SCN7A: variants seen among roughly 807,000 people sequenced by gnomAD.
SCN7A encodes the protein sodium voltage-gated channel alpha subunit 7.
SCN7A carries 138 observed loss-of-function variants against 155.2 expected under a neutral mutation model. The ratio of observed to expected loss-of-function variants is 0.89; its 90% confidence interval spans 0.77 to 1.02. The LOEUF (loss-of-function observed/expected upper bound fraction) is 1.02, where lower values mean the gene tolerates loss of function less well. Ranked by LOEUF, SCN7A falls within the 50% of genes least tolerant of loss-of-function variation. The probability of loss-of-function intolerance (pLI) is 0.00; values close to 1 mark genes in which losing one functional copy is unlikely to be tolerated. For missense variants in SCN7A, 2,058 were observed against 1,986.6 expected (o/e 1.04, Z -0.68); for synonymous variants, 693 against 649.0 (o/e 1.07, Z -1.03).
At chr2:166,415,785 T>TA (rs1344836229) in intron 21 of SCN7A, among the ~76,000 whole-genome samples, 1 of 152,130 alleles carries the variant, frequency 6.6e-6, no homozygotes, top group Non-Finnish European at 1.5e-5. Flanking sequence ...AAATTGATTG[T>TA]AAAACATGTG....
chr2:166,449,060 C>A (rs1575036437), intron 11 of SCN7A, among the ~76,000 whole-genome samples: 1 of 152,138 alleles, frequency 6.6e-6, no homozygotes, highest in East Asian at 1.9e-4. Context: ...TTTAAGAGAT[C>A]TTCTGCTTTA....
In SCN7A at chr2:166,414,104, T is replaced by A. The variant is rs1163982710; in HGVS notation, c.3415-983A>T. Among the ~76,000 whole-genome samples the A allele has an allele frequency of 3.0e-4, 25 of 82,956 alleles. 2 individuals carry two copies. The East Asian group carries it at 6.5e-3, about 22-fold the overall frequency. 54.4% of individuals were successfully genotyped at this position (82,956 alleles called of 152,430 possible). ...ATATATGTAAATATATATAATATAT[T>A]ATATATAAATATATATAATATATTA... On this transcript the variant is annotated intron_variant, in intron 21 of 25. Coordinates refer to ENST00000643258, the MANE Select transcript of SCN7A (RefSeq NM_002976.4).
chr2:166,412,656 C>T lies in SCN7A; in HGVS notation c.3480G>A (p.Gln1160=). ...TGTAGATGTTGACTTCAAAATGAGGCTGTATATTAACCTAGAAGTTTAAAA... is the reference window on the plus strand; with the variant it reads ...TGTAGATGTTGACTTCAAAATGAGGTTGTATATTAACCTAGAAGTTTAAAA... ...SAIDSVAVNI[Q]PHFEVNIYMY... is the part of the protein sequence containing the mutation. Residue 1160 remains glutamine, a synonymous_variant, in exon 23 of 26, where the codon CAG becomes CAA. Transcript: ENST00000643258. The T allele has an allele frequency of 6.6e-7, 1 of 1,504,690 alleles. No individual in the cohort carries two copies. The highest frequency in any genetic ancestry group is 8.8e-7 in the Non-Finnish European group (1 of 1,132,016). The allele number at this position is 1,504,690 out of a possible 1,614,324, so 93.2% of individuals were successfully genotyped here. A position where few individuals can be genotyped will look rare whatever the true frequency, so the allele number is the denominator to read the frequency against.
At chr2:166,412,836 A>C (rs1701231111) in intron 22 of SCN7A, among the ~76,000 whole-genome samples, 169 bp from the exon 23 acceptor site, 1 of 152,078 alleles carries the variant, frequency 6.6e-6, no homozygotes, top group African/African-American at 2.4e-5. Context: ...TATGAATGTT[A>C]AAGTTCATTT....
rs200027884 is a variant in SCN7A, at chr2:166,456,831, G to T, written c.1290+39C>A. On this transcript the variant is annotated intron_variant, in intron 11 of 25. Coordinates refer to ENST00000643258, the MANE Select transcript of SCN7A (RefSeq NM_002976.4). ...ATATATATATATATATATATATATA[G>T]ATAGATAGATAGATAGATAGATAGA... The T allele has an allele frequency of 6.1e-3, 4,583 of 753,862 alleles. 59 individuals are homozygous for T. Among genetic ancestry groups the T allele is most frequent in the African/African-American group, 0.011 (588 of 51,314 alleles). 46.7% of individuals were successfully genotyped at this position (753,862 alleles called of 1,614,324 possible). A position where few individuals can be genotyped will look rare whatever the true frequency, so the allele number is the denominator to read the frequency against.
At chr2:166,459,737 C>A (rs1252690185) in intron 10 of SCN7A, among the ~76,000 whole-genome samples, 2 of 152,100 alleles carry the variant, frequency 1.3e-5, no homozygotes, top group Admixed American at 6.5e-5. Flanking sequence ...CAATGCCCAT[C>A]AACGTTAAAC....
chr2:166,465,551 T>C lies in SCN7A; in HGVS notation c.872-20A>G, dbSNP rs1408447750. ...CTGTTTCTGAAAAACAGGCAAGAAA[T>C]GATATTCTATATGTAATTATGAGTT... On this transcript the variant is annotated intron_variant, in intron 8 of 25. Coordinates refer to ENST00000643258, the MANE Select transcript of SCN7A (RefSeq NM_002976.4). 2 of 1,540,674 alleles carry C rather than the reference T, an allele frequency of 1.3e-6. No individual in the cohort carries two copies. The highest frequency in any genetic ancestry group is 2.3e-5 in the South Asian group (2 of 85,740).
At chr2:166,417,885 G>A (rs934687191) in intron 20 of SCN7A, among the ~76,000 whole-genome samples, 25 of 151,564 alleles carry the variant, frequency 1.6e-4, no homozygotes, top group Non-Finnish European at 2.8e-4. Flanking sequence ...TCACTCCAGA[G>A]TATGAAGCTT....
At chr2:166,438,626 T>G (rs562972183) in intron 15 of SCN7A, among the ~76,000 whole-genome samples, 1 of 152,158 alleles carries the variant, frequency 6.6e-6, no homozygotes, top group Non-Finnish European at 1.5e-5. Flanking sequence ...CAAAATTAAT[T>G]TTTTAAAATG....
At chr2:166,410,146 T>G (rs534885231) in intron 24 of SCN7A, 74 bp downstream of exon 24, 2 of 1,220,396 alleles carry the variant, frequency 1.6e-6, no homozygotes, top group Non-Finnish European at 2.3e-6. Context: ...ACAAAAACAT[T>G]TGTTAAGGCT....
At chr2:166,422,136 G>A (rs981217479) in intron 19 of SCN7A, among the ~76,000 whole-genome samples, 1 of 152,080 alleles carries the variant, frequency 6.6e-6, no homozygotes, top group Non-Finnish European at 1.5e-5. Flanking sequence ...GTGAACTTAG[G>A]AAAGAGAGGT....
intron 11 of SCN7A, among the ~76,000 whole-genome samples, chr2:166,456,154 C>T (rs911906884): frequency 6.6e-6 from 1 of 151,942 alleles, no homozygotes; most frequent in Admixed American, 6.6e-5. Context: ...GGAAGTTGAA[C>T]AATGAGAGCA....
intron 10 of SCN7A, among the ~76,000 whole-genome samples, chr2:166,460,981 A>G (rs527976752): frequency 1.3e-5 from 2 of 151,906 alleles, no homozygotes; most frequent in South Asian, 4.2e-4. Flanking sequence ...GGAAATACCA[A>G]TGCAAGTACT....
At position 166,462,453 on chromosome 2, in the gene SCN7A, C is replaced by G; in HGVS notation, c.1019G>C (p.Gly340Ala). Residue 340 changes from glycine to alanine, a missense_variant, in exon 10 of 26, where the codon GGC (glycine) becomes GCC (alanine). Transcript: ENST00000643258. ...DQGFTNFDSF[G>A]WALFALFRLM... ...CCGAAATAGGGCAAATAAGGCCCAG[C>G]CAAAACTGTCAAAATTTGTGAAGCC... 5.0e-6 allele frequency: 8 copies of G among 1,612,924 alleles called. No homozygotes were observed. Among genetic ancestry groups the G allele is most frequent in the Non-Finnish European group, 6.8e-6 (8 of 1,179,410 alleles).
At chr2:166,474,524 T>A (rs968650399) in intron 3 of SCN7A, among the ~76,000 whole-genome samples, 180 bp from the exon 4 acceptor site, 1 of 151,826 alleles carries the variant, frequency 6.6e-6, no homozygotes, top group African/African-American at 2.4e-5. Flanking sequence ...TTTATTCATA[T>A]TTAGGCTTGC....
chr2:166,493,861 G>A (rs12470570), intron 1 of SCN7A, 107 bp downstream of exon 1: 44,297 of 152,404 alleles, frequency 0.29, 6,861 homozygotes, highest in Non-Finnish European at 0.35. Context: ...GGGACCCTAA[G>A]GGTGTGTATG....
At chr2:166,467,918 C>T (rs1702572128) in intron 7 of SCN7A, among the ~76,000 whole-genome samples, 1 of 151,594 alleles carries the variant, frequency 6.6e-6, no homozygotes, top group South Asian at 2.1e-4. Context: ...CTATATTCTC[C>T]TTATTATTCA....
At chr2:166,412,969 A>C (rs1701233295) in intron 22 of SCN7A, 99 bp downstream of exon 22, 2 of 938,594 alleles carry the variant, frequency 2.1e-6, no homozygotes. Context: ...TCTGAACTGC[A>C]TTTGATTTCT....
intron 2 of SCN7A, among the ~76,000 whole-genome samples, chr2:166,478,880 C>A (rs1256159780): frequency 6.6e-6 from 1 of 151,880 alleles, no homozygotes; most frequent in Non-Finnish European, 1.5e-5. Flanking sequence ...GCATCAATTC[C>A]CCATTCATGA....
Sources: allele counts gnomAD v4.1 joint callset (sites outside exome capture counted in the v4.1 genomes callset), GRCh38; gene constraint gnomAD v4.1.1; transcripts MANE v1.5; gene names NCBI Gene and HGNC (gene_info 2026-07-23, HGNC 2026-07-21).